Variants in TMEM163 observed in about 807,000 individuals in gnomAD.
TMEM163 encodes the protein transmembrane protein 163.
In TMEM163, 17 loss-of-function variants were observed where a neutral mutation model predicts 29.3. The observed-to-expected ratio is 0.58, with a 90% CI of 0.40 to 0.87. TMEM163 has a LOEUF of 0.87. TMEM163 is among the 40% of genes least tolerant of loss of function. TMEM163 has a pLI of 0.00. For synonymous variants in TMEM163, 157 were observed against 160.6 expected, an observed-to-expected ratio of 0.98 and a Z score of 0.17; for missense variants, 303 against 381.5, an observed-to-expected ratio of 0.79 and a Z score of 1.71.
At chr2:134,501,683 G>A (rs1011442899) in intron 5 of TMEM163, among the ~76,000 whole-genome samples, 12 of 152,192 alleles carry the variant, frequency 7.9e-5, no homozygotes, top group Non-Finnish European at 1.2e-4. Flanking sequence ...GGAGGAGGAC[G>A]CGAGAGTCCC....
At chr2:134,639,853 G>C (rs1683188480) in intron 2 of TMEM163, among the ~76,000 whole-genome samples, 1 of 152,022 alleles carries the variant, frequency 6.6e-6, no homozygotes, top group African/African-American at 2.4e-5. Context: ...TTTCTTCTTT[G>C]GCTCATTCCT....
intron 4 of TMEM163, among the ~76,000 whole-genome samples, chr2:134,531,225 G>A (rs185883823): frequency 1.7e-3 from 255 of 152,324 alleles, no homozygotes; most frequent in Middle Eastern, 0.014. Flanking sequence ...CGACGAAGGC[G>A]AGGTGGTGTG....
chr2:134,705,968 G>T (rs1238641538), intron 2 of TMEM163, among the ~76,000 whole-genome samples: 1 of 152,206 alleles, frequency 6.6e-6, no homozygotes, highest in Non-Finnish European at 1.5e-5. Context: ...TGTGCGACAG[G>T]GACACCGGGT....
intron 2 of TMEM163, among the ~76,000 whole-genome samples, chr2:134,561,293 T>C (rs999247288): frequency 2.0e-5 from 3 of 152,244 alleles, no homozygotes; most frequent in Non-Finnish European, 4.4e-5. Flanking sequence ...AAGCTCCGCC[T>C]TCTGGGTTCA....
intron 4 of TMEM163, among the ~76,000 whole-genome samples, chr2:134,526,279 G>T (rs973949167): frequency 1.3e-5 from 2 of 152,162 alleles, no homozygotes; most frequent in African/African-American, 4.8e-5. Flanking sequence ...GACACATTTA[G>T]CAGGACAACA....
chr2:134,705,425 G>A (rs1327583731), intron 2 of TMEM163, among the ~76,000 whole-genome samples: 2 of 152,042 alleles, frequency 1.3e-5, no homozygotes, highest in East Asian at 3.9e-4. Context: ...GGAGAAGACG[G>A]CGATCTATGA....
At chr2:134,650,333 A>G (rs1162332764) in intron 2 of TMEM163, among the ~76,000 whole-genome samples, 5 of 152,098 alleles carry the variant, frequency 3.3e-5, no homozygotes, top group Non-Finnish European at 5.9e-5. Flanking sequence ...TGTATCTTCA[A>G]TTAAATAAGC....
intron 2 of TMEM163, among the ~76,000 whole-genome samples, chr2:134,565,404 G>A (rs1681278471): frequency 1.3e-5 from 2 of 152,002 alleles, no homozygotes; most frequent in Non-Finnish European, 2.9e-5. Flanking sequence ...TCAGGAGTTC[G>A]AGACCAGCCT....
rs375028065 is a variant in TMEM163 at position 134,509,041 on chromosome 2, G to C, written c.459-6044C>G. ...ACCCAACCAACTGAAATCCCACTTA[G>C]ATAGGACTTTATTTCTGGCATCTAC... On this transcript the variant is annotated intron_variant, in intron 4 of 7. Transcript: ENST00000281924. Among the ~76,000 whole-genome samples the C allele has an allele frequency of 1.9e-4, 29 of 152,266 alleles. 1 individual carries two copies. In the South Asian group the frequency reaches 6.0e-3, roughly 32 times the overall value.
intron 2 of TMEM163, among the ~76,000 whole-genome samples, chr2:134,704,678 A>G (rs186703278): frequency 6.6e-6 from 1 of 152,286 alleles, no homozygotes; most frequent in Admixed American, 6.5e-5. Flanking sequence ...ACATGAGGTC[A>G]GTCTCATGGT....
intron 4 of TMEM163, among the ~76,000 whole-genome samples, chr2:134,509,301 A>G (rs1679896679): frequency 6.6e-6 from 1 of 152,234 alleles, no homozygotes; most frequent in Non-Finnish European, 1.5e-5. Context: ...TGGACAGTAC[A>G]GTTCTAAAGG....
intron 4 of TMEM163, among the ~76,000 whole-genome samples, chr2:134,510,648 C>A (rs1679926396): frequency 6.6e-6 from 1 of 152,068 alleles, no homozygotes; most frequent in African/African-American, 2.4e-5. Flanking sequence ...ACAAGGACAA[C>A]CCCAATTTTG....
intron 4 of TMEM163, among the ~76,000 whole-genome samples, chr2:134,545,160 A>G (rs910280555): frequency 3.3e-5 from 5 of 152,128 alleles, no homozygotes; most frequent in Non-Finnish European, 7.4e-5. Context: ...CGTTAAGTAA[A>G]CAGATAGTGC....
chr2:134,524,438 G>A (rs764891304), intron 4 of TMEM163, among the ~76,000 whole-genome samples: 22 of 143,900 alleles, frequency 1.5e-4, no homozygotes, highest in Non-Finnish European at 3.2e-4. Context: ...TAGGTAACAT[G>A]TGCCATGGTG....
intron 4 of TMEM163, among the ~76,000 whole-genome samples, chr2:134,507,223 C>T (rs970277531): frequency 6.6e-6 from 1 of 151,978 alleles, no homozygotes; most frequent in Non-Finnish European, 1.5e-5. Flanking sequence ...GTAATCCCAG[C>T]TACTTGGGAG....
chr2:134,545,950 C>A (rs1401378404), intron 4 of TMEM163, among the ~76,000 whole-genome samples: 1 of 152,150 alleles, frequency 6.6e-6, no homozygotes, highest in Non-Finnish European at 1.5e-5. Flanking sequence ...CTTCTTAGAA[C>A]CCCTTGCTTG....
chr2:134,463,143 CACA>C lies in TMEM163; in HGVS notation c.667+2968_667+2970del, dbSNP rs376388942. On this transcript the variant is annotated intron_variant, in intron 6 of 7. Transcript: ENST00000281924. ...GAGACATTGCAGGGCAGGTGGGCAGCACACACAGCTGAGGGAAGCCGAGGCCAG... is the reference window on the plus strand; with the variant it reads ...GAGACATTGCAGGGCAGGTGGGCAGCCACAGCTGAGGGAAGCCGAGGCCAG... Among the ~76,000 whole-genome samples, 572 of 152,300 alleles carry C rather than the reference CACA, an allele frequency of 3.8e-3. 3 individuals carry two copies. The highest frequency in any genetic ancestry group is 0.013 in the African/African-American group (549 of 41,566).
chr2:134,525,564 T>C (rs1399633424), intron 4 of TMEM163, among the ~76,000 whole-genome samples: 4 of 152,200 alleles, frequency 2.6e-5, no homozygotes, highest in African/African-American at 9.7e-5. Context: ...AAGTGTTGTG[T>C]GAAGATAGCG....
At chr2:134,701,849 C>T (rs765852627) in intron 2 of TMEM163, among the ~76,000 whole-genome samples, 4 of 139,942 alleles carry the variant, frequency 2.9e-5, no homozygotes, top group Non-Finnish European at 4.5e-5. Flanking sequence ...ACCCGGGAGG[C>T]GGAGGTTGCA....
Sources: allele counts gnomAD v4.1 joint callset (sites outside exome capture counted in the v4.1 genomes callset), GRCh38; gene constraint gnomAD v4.1.1; transcripts MANE v1.5; gene names NCBI Gene and HGNC (gene_info 2026-07-23, HGNC 2026-07-21).